Variants in MYO3B observed in about 807,000 individuals in gnomAD.
MYO3B encodes the protein myosin-IIIb.
Under a neutral mutation model 174.6 loss-of-function variants are expected in MYO3B, and 156 were observed. That is an observed-to-expected ratio of 0.89 (90% CI 0.78 to 1.02). MYO3B has a LOEUF of 1.02. Among genes scored for constraint, MYO3B ranks in the 50% least tolerant of loss-of-function variants. MYO3B has a pLI of 0.00. For missense variants in MYO3B, 1,632 were observed against 1,639.4 expected (o/e 1.00, Z 0.08); for synonymous variants, 563 against 569.1 (o/e 0.99, Z 0.15).
chr2:170,476,603 C>T (rs1363992280), intron 25 of MYO3B, among the ~76,000 whole-genome samples: 1 of 151,978 alleles, frequency 6.6e-6, no homozygotes, highest in Non-Finnish European at 1.5e-5. Flanking sequence ...CCTTCAGATA[C>T]TCCTTCTATT....
intron 9 of MYO3B, among the ~76,000 whole-genome samples, chr2:170,369,857 T>C (rs1005699362): frequency 3.9e-5 from 6 of 152,200 alleles, no homozygotes. Context: ...TCTAATGTGC[T>C]CTGAGACCAT....
At chr2:170,295,307 T>C (rs1342203581) in intron 7 of MYO3B, among the ~76,000 whole-genome samples, 1 of 152,004 alleles carries the variant, frequency 6.6e-6, no homozygotes, top group Non-Finnish European at 1.5e-5. Context: ...TTTAATTTTA[T>C]TTTCTATTTA....
intron 7 of MYO3B, among the ~76,000 whole-genome samples, chr2:170,241,474 G>A (rs6710389): frequency 0.96 from 146,765 of 152,310 alleles, 70,811 homozygotes; most frequent in Non-Finnish European, 0.98. Flanking sequence ...ACCCTAGGAC[G>A]CCTTAAACTT....
chr2:170,420,464 C>T (rs1391573264), intron 22 of MYO3B, among the ~76,000 whole-genome samples: 2 of 152,112 alleles, frequency 1.3e-5, no homozygotes, highest in African/African-American at 2.4e-5. Flanking sequence ...AGAGCTTTTG[C>T]AGACCTGATC....
intron 22 of MYO3B, among the ~76,000 whole-genome samples, chr2:170,427,225 A>G (rs888317131): frequency 6.6e-6 from 1 of 152,206 alleles, no homozygotes; most frequent in Non-Finnish European, 1.5e-5. Flanking sequence ...TTCCTTCATC[A>G]GATAAATAAT....
intron 1 of MYO3B, among the ~76,000 whole-genome samples, chr2:170,182,113 C>T (rs1156268008): frequency 2.0e-5 from 3 of 152,002 alleles, no homozygotes; most frequent in East Asian, 3.9e-4. Context: ...TTAGTACTTA[C>T]AACAATTCTT....
intron 28 of MYO3B, among the ~76,000 whole-genome samples, chr2:170,505,912 G>A (rs895164978): frequency 6.6e-6 from 1 of 152,212 alleles, no homozygotes; most frequent in African/African-American, 2.4e-5. Context: ...CTTCAGTGCT[G>A]TGGAAATTGT....
intron 25 of MYO3B, among the ~76,000 whole-genome samples, chr2:170,470,340 A>G (rs2105978978): frequency 6.6e-6 from 1 of 152,102 alleles, no homozygotes; most frequent in East Asian, 1.9e-4. Context: ...TTTCGTGTAA[A>G]TGGAATCATA....
At chr2:170,522,036 AT>A (rs1688699836) in intron 30 of MYO3B, among the ~76,000 whole-genome samples, 1 of 152,054 alleles carries the variant, frequency 6.6e-6, no homozygotes, top group Non-Finnish European at 1.5e-5. Context: ...GCTCAGAGGT[AT>A]TCTCAGTCTT....
At chr2:170,383,298 T>C (rs1456927602) in intron 11 of MYO3B, 109 bp downstream of exon 11, 1 of 707,870 alleles carries the variant, frequency 1.4e-6, no homozygotes. Context: ...CCTAGATGTA[T>C]ATACTCCAAA....
intron 32 of MYO3B, among the ~76,000 whole-genome samples, chr2:170,616,557 A>T (rs115296721): frequency 6.6e-6 from 1 of 152,166 alleles, no homozygotes; most frequent in African/African-American, 2.4e-5. Context: ...GTCTCCTTAC[A>T]TCTCCCCCTT....
At position 170,375,721 on chromosome 2, in the gene MYO3B, GCA is replaced by G. The variant is rs60928016; in HGVS notation, c.972-6272_972-6271del. ...TCTACCTTCAAATATGTGCATGCAT[GCA>G]CACACACACACACACACACACAGAG... On this transcript the variant is annotated intron_variant, in intron 9 of 34. Coordinates refer to ENST00000408978, the MANE Select transcript of MYO3B (RefSeq NM_138995.5). Among the ~76,000 whole-genome samples the G allele has an allele frequency of 1.4e-3, 201 of 148,762 alleles. 1 individual carries two copies. The highest frequency in any genetic ancestry group is 4.3e-3 in the African/African-American group (174 of 40,444).
At chr2:170,232,634 G>GC (rs1465771821) in intron 6 of MYO3B, among the ~76,000 whole-genome samples, 1 of 152,200 alleles carries the variant, frequency 6.6e-6, no homozygotes, top group Non-Finnish European at 1.5e-5. Context: ...ACAATTACTA[G>GC]CTATGTGATG....
intron 28 of MYO3B, 95 bp downstream of exon 28, chr2:170,501,960 G>A: frequency 3.5e-6 from 3 of 866,714 alleles, no homozygotes; most frequent in Non-Finnish European, 5.5e-6. Flanking sequence ...TAATTCAGGA[G>A]CACTGGAATG....
chr2:170,495,423 A>G (rs75998761), intron 25 of MYO3B, among the ~76,000 whole-genome samples: 1,640 of 152,360 alleles, frequency 0.011, 17 homozygotes, highest in African/African-American at 0.027. Context: ...GCCTGTTTAC[A>G]TATAGTACTG....
chr2:170,288,352 A>T (rs764691012), intron 7 of MYO3B, among the ~76,000 whole-genome samples: 1 of 151,970 alleles, frequency 6.6e-6, no homozygotes, highest in Non-Finnish European at 1.5e-5. Context: ...ATTCCAATCC[A>T]TGAGCAGGGA....
chr2:170,455,287 T>TAC (rs912456366), intron 23 of MYO3B, among the ~76,000 whole-genome samples: 1 of 152,200 alleles, frequency 6.6e-6, no homozygotes, highest in Non-Finnish European at 1.5e-5. Context: ...TAGTTCAGCT[T>TAC]ACACCCAGGA....
At chr2:170,518,466 G>A (rs1339313840) in intron 29 of MYO3B, among the ~76,000 whole-genome samples, 1 of 152,114 alleles carries the variant, frequency 6.6e-6, no homozygotes, top group Non-Finnish European at 1.5e-5. Context: ...GTGGTTCTCA[G>A]CCCTGGCCAC....
chr2:170,203,625 TG>T (rs2092687259), intron 3 of MYO3B, among the ~76,000 whole-genome samples: 1 of 152,154 alleles, frequency 6.6e-6, no homozygotes, highest in Non-Finnish European at 1.5e-5. Flanking sequence ...TGAATATCAC[TG>T]GAAGTGTTAC....
Sources: gnomAD v4.1 joint callset for allele counts (sites outside exome capture counted in the v4.1 genomes callset) on GRCh38, gnomAD v4.1.1 for gene constraint, MANE v1.5 for transcripts, NCBI Gene and HGNC (gene_info 2026-07-23, HGNC 2026-07-21) for gene names.